The following RBFOX1 variants were observed in gnomAD, a reference collection of about 807,000 sequenced individuals.
RBFOX1 encodes RNA binding fox-1 homolog 1.
A neutral mutation model predicts 57.7 loss-of-function variants in RBFOX1; 8 were observed. That is an observed-to-expected ratio of 0.14 (90% CI 0.08 to 0.25). The LOEUF (loss-of-function observed/expected upper bound fraction) is 0.25. Ranked by LOEUF, RBFOX1 falls within the 10% of genes least tolerant of loss-of-function variation. RBFOX1 has a pLI of 1.00. For synonymous variants in RBFOX1, 326 were observed against 222.4 expected, an observed-to-expected ratio of 1.47 and a Z score of -4.15; for missense variants, 611 against 548.5, an observed-to-expected ratio of 1.11 and a Z score of -1.14.
intron 4 of RBFOX1, among the ~76,000 whole-genome samples, chr16:7,517,730 G>A (rs1410784839): frequency 6.6e-6 from 1 of 151,722 alleles, no homozygotes; most frequent in African/African-American, 2.4e-5. Flanking sequence ...AGTCTCTCTT[G>A]GCACTTTAAG....
At chr16:6,913,288 C>G (rs1416126666) in intron 3 of RBFOX1, among the ~76,000 whole-genome samples, 1 of 152,096 alleles carries the variant, frequency 6.6e-6, no homozygotes, top group Non-Finnish European at 1.5e-5. Context: ...TCCATAATTA[C>G]AGCCTGTGTC....
intron 1 of RBFOX1, among the ~76,000 whole-genome samples, chr16:5,446,293 C>G (rs11647784): frequency 9.2e-5 from 14 of 151,898 alleles, no homozygotes; most frequent in Non-Finnish European, 1.8e-4. Context: ...GCAGTGACCT[C>G]AAAACATGCA....
rs35415642 is a variant in RBFOX1, at chr16:5,591,252, CTTTT to C, written c.259-7637_259-7634del. On this transcript the variant is annotated intron_variant, in intron 2 of 2. Transcript: ENST00000585867. ...ATCCTTTTCCTTCTCCAAAATGAAC[CTTTT>C]TTTTTTTTTTTTGAGACGGAGTTTC... 7.1e-3 allele frequency among the ~76,000 whole-genome samples: 1,010 copies of C among 141,578 alleles called. 13 individuals carry two copies. The highest frequency in any genetic ancestry group is 0.024 in the African/African-American group (923 of 38,440). 92.9% of individuals were successfully genotyped at this position (141,578 alleles called of 152,430 possible). A position where few individuals can be genotyped will look rare whatever the true frequency, so the allele number is the denominator to read the frequency against.
chr16:6,514,526 A>C (rs550003038), intron 2 of RBFOX1, among the ~76,000 whole-genome samples: 1 of 152,228 alleles, frequency 6.6e-6, no homozygotes, highest in African/African-American at 2.4e-5. Context: ...TTTGTGTTTC[A>C]ATGATGTTTG....
At chr16:6,060,133 T>G (rs1384288614) in intron 1 of RBFOX1, among the ~76,000 whole-genome samples, 8 of 13,788 alleles carry the variant, frequency 5.8e-4, no homozygotes, top group Admixed American at 5.6e-3. Context: ...TTTTTTTTTT[T>G]TTTTTTTTTT....
intron 1 of RBFOX1, among the ~76,000 whole-genome samples, chr16:5,466,730 C>T (rs1040541162): frequency 9.9e-5 from 15 of 152,198 alleles, no homozygotes; most frequent in African/African-American, 3.6e-4. Context: ...TTTGATGGTT[C>T]TGGCTGCTCC....
intron 3 of RBFOX1, among the ~76,000 whole-genome samples, chr16:5,861,611 C>G (rs917054530): frequency 6.6e-6 from 1 of 152,150 alleles, no homozygotes; most frequent in Non-Finnish European, 1.5e-5. Context: ...CTTAGATATC[C>G]TTGACGAACA....
intron 2 of RBFOX1, among the ~76,000 whole-genome samples, chr16:5,580,082 C>G (rs2046612021): frequency 1.3e-5 from 2 of 152,128 alleles, no homozygotes; most frequent in African/African-American, 2.4e-5. Flanking sequence ...GCAGTTAATT[C>G]TTTATCTGCT....
chr16:6,591,407 T>C (rs1200040883), intron 2 of RBFOX1, among the ~76,000 whole-genome samples: 2 of 152,156 alleles, frequency 1.3e-5, no homozygotes, highest in South Asian at 2.1e-4. Context: ...TGAGCTGAGA[T>C]TGTACTACTG....
At chr16:6,760,685 T>G (rs2076475337) in intron 3 of RBFOX1, among the ~76,000 whole-genome samples, 1 of 152,202 alleles carries the variant, frequency 6.6e-6, no homozygotes, top group Admixed American at 6.5e-5. Context: ...TCCCTTTCTC[T>G]GCAAGGTTTG....
chr16:7,034,977 A>G (rs780620387), intron 3 of RBFOX1, among the ~76,000 whole-genome samples: 22 of 149,990 alleles, frequency 1.5e-4, no homozygotes, highest in African/African-American at 2.5e-5. Flanking sequence ...GCCTCTGAGT[A>G]GCTGGGCCTA....
intron 12 of RBFOX1, among the ~76,000 whole-genome samples, chr16:7,654,585 C>G (rs2065865692): frequency 1.3e-5 from 2 of 152,010 alleles, no homozygotes; most frequent in African/African-American, 4.8e-5. Flanking sequence ...CTTCTCTGCA[C>G]AGACTTTGAT....
intron 3 of RBFOX1, among the ~76,000 whole-genome samples, chr16:6,701,419 A>T (rs537477305): frequency 1.3e-5 from 2 of 152,324 alleles, no homozygotes; most frequent in South Asian, 4.1e-4. Flanking sequence ...TCTGTTTTAC[A>T]TTGCTGTAAA....
intron 3 of RBFOX1, among the ~76,000 whole-genome samples, chr16:7,016,787 G>A (rs2153664659): frequency 6.6e-6 from 1 of 152,234 alleles, no homozygotes; most frequent in Middle Eastern, 3.4e-3. Context: ...AGCAGGGTAG[G>A]TGACAGGACG....
chr16:5,373,612 T>C (rs1021483147), intron 1 of RBFOX1, among the ~76,000 whole-genome samples: 8 of 152,054 alleles, frequency 5.3e-5, no homozygotes, highest in Non-Finnish European at 1.2e-4. Flanking sequence ...TTTTCTTTTT[T>C]TTTTTGTTTT....
At chr16:5,348,606 C>T (rs1331101629) in intron 1 of RBFOX1, among the ~76,000 whole-genome samples, 1 of 152,258 alleles carries the variant, frequency 6.6e-6, no homozygotes, top group Non-Finnish European at 1.5e-5. Flanking sequence ...TTTCAACTCA[C>T]CTGGAGTTCA....
At chr16:5,694,877 A>G (rs1169597071) in intron 3 of RBFOX1, among the ~76,000 whole-genome samples, 3 of 151,806 alleles carry the variant, frequency 2.0e-5, no homozygotes, top group Non-Finnish European at 4.4e-5. Flanking sequence ...TGGAGAGACA[A>G]TGAAAGCAGG....
intron 1 of RBFOX1, among the ~76,000 whole-genome samples, chr16:6,263,452 G>C (rs1012093059): frequency 3.9e-5 from 6 of 152,094 alleles, no homozygotes. Context: ...TTATTTGGAG[G>C]TACATTTCTG....
At chr16:6,038,575 T>G in intron 1 of RBFOX1, 1 of 144,408 alleles carries the variant, frequency 6.9e-6, no homozygotes, top group African/African-American at 2.6e-5. Flanking sequence ...ATATCATCCA[T>G]ATATATATAT....
Sources: gnomAD v4.1 joint callset for allele counts (sites outside exome capture counted in the v4.1 genomes callset) on GRCh38, gnomAD v4.1.1 for gene constraint, MANE v1.5 for transcripts, NCBI Gene and HGNC (gene_info 2026-07-23, HGNC 2026-07-21) for gene names.